MXD4: variants seen among roughly 807,000 people sequenced by gnomAD.
MXD4 encodes the protein MAX dimerization protein 4, also known as Mad4 homolog.
MXD4 carries 16 observed loss-of-function variants against 24.5 expected under a neutral mutation model. The ratio of observed to expected loss-of-function variants is 0.65; its 90% CI spans 0.44 to 0.99. MXD4 has a LOEUF of 0.99. MXD4 is among the 50% of genes least tolerant of loss of function. The probability of loss-of-function intolerance (pLI) is 0.00; values close to 1 mark genes in which losing one functional copy is unlikely to be tolerated. For missense variants in MXD4, 301 were observed against 301.5 expected (o/e 1.00, Z 0.01); for synonymous variants, 164 against 134.2 (o/e 1.22, Z -1.54).
At chr4:2,255,127 T>A in intron 3 of MXD4, 1 of 371,570 alleles carries the variant, frequency 2.7e-6, no homozygotes, top group Non-Finnish European at 5.4e-6. Flanking sequence ...TGGAGGAGTG[T>A]GCCCTGACGC....
In MXD4 at chr4:2,251,389, C is replaced by A; in HGVS notation, c.310-143G>T. 5 of 1,072,254 alleles carry A rather than the reference C, an allele frequency of 4.7e-6. No individual in the cohort carries two copies. In the South Asian group the frequency reaches 7.5e-5, roughly 16 times the overall value. The allele number at this position is 1,072,254 out of a possible 1,614,324, so 66.4% of individuals were successfully genotyped here. On this transcript the variant is annotated intron_variant, in intron 4 of 5. Coordinates refer to ENST00000337190, the MANE Select transcript of MXD4 (RefSeq NM_006454.3). ...AGCCAAGGCTACAGGCCACAGGGTG[C>A]CCAGTCTCTGCCAGCCCCACAGCCT...
At chr4:2,254,603 A>G (rs1265534061) in intron 3 of MXD4, 2 of 152,266 alleles carry the variant, frequency 1.3e-5, no homozygotes, top group African/African-American at 4.8e-5. Context: ...TTTGCAATAC[A>G]TATAAAAGAC....
chr4:2,249,457 T>A lies in MXD4; in HGVS notation c.*1087A>T, dbSNP rs977038662. The A allele has an allele frequency of 6.6e-6, 1 of 151,808 alleles. No homozygotes were observed. The highest frequency in any genetic ancestry group is 1.5e-5 in the Non-Finnish European group (1 of 67,896). The allele number at this position is 151,808 out of a possible 1,614,324, so 9.4% of individuals were successfully genotyped here. ...TCTTCTTTTTAAAAATGGTTTTTTT[T>A]TTTTTTCTGGGAAAGCCTCTCTGCC... On this transcript the variant is annotated 3_prime_UTR_variant, in exon 6 of 6. Coordinates refer to ENST00000337190, the MANE Select transcript of MXD4 (RefSeq NM_006454.3).
chr4:2,260,037 G>A (rs1045950203), intron 2 of MXD4, among the ~76,000 whole-genome samples: 9 of 152,206 alleles, frequency 5.9e-5, no homozygotes, highest in Non-Finnish European at 1.0e-4. Context: ...CCCCTGCTCC[G>A]CCCAGCTACT....
intron 2 of MXD4, chr4:2,258,862 C>G (rs764339859): frequency 2.2e-6 from 1 of 454,888 alleles, no homozygotes; most frequent in South Asian, 1.6e-5. Flanking sequence ...TCTCTGGGGA[C>G]AGTGGCCCCA....
chr4:2,250,489 AG>A lies in MXD4; in HGVS notation c.*54del, dbSNP rs1158715538. ...CTGGCGTCAACTGAAGGAGAACTGG[AG>A]GGCTGACACGCGTGGCTGGCGGGCA... On this transcript the variant is annotated 3_prime_UTR_variant, in exon 6 of 6. Transcript: ENST00000337190. The A allele has an allele frequency of 1.3e-5, 19 of 1,489,862 alleles. No homozygotes were observed. Among genetic ancestry groups the A allele is most frequent in the Admixed American group, 4.5e-5 (2 of 44,942 alleles). 92.3% of individuals were successfully genotyped at this position (1,489,862 alleles called of 1,614,324 possible).
In MXD4 at chr4:2,261,758, G is replaced by C; in HGVS notation, c.131C>G (p.Ala44Gly). ...CGGGGCCTTGCGCACCAGGCCGGCC[G>C]CCTTTGTTTTCTCCCTGGCGAAGTC... The part of the protein sequence containing the change: ...DGDFAREKTK[A>G]AGLVRKAPNN... Residue 44 changes from alanine (A) to glycine (G), a missense_variant, in exon 2 of 6, where the codon GCG (alanine) becomes GGG (glycine). Transcript: ENST00000337190. 2 of 1,429,776 alleles carry C rather than the reference G, an allele frequency of 1.4e-6. No homozygotes were observed. The highest frequency in any genetic ancestry group is 1.8e-6 in the Non-Finnish European group (2 of 1,084,738). The allele number at this position is 1,429,776 out of a possible 1,614,324, so 88.6% of individuals were successfully genotyped here.
At chr4:2,254,416 G>A (rs184123815) in intron 3 of MXD4, 2 of 152,212 alleles carry the variant, frequency 1.3e-5, no homozygotes, top group East Asian at 1.9e-4. Context: ...GGGAGCGTGC[G>A]TCTCCAGGCG....
chr4:2,257,017 G>A (rs1735445010), intron 3 of MXD4, among the ~76,000 whole-genome samples: 1 of 152,132 alleles, frequency 6.6e-6, no homozygotes, highest in Non-Finnish European at 1.5e-5. Flanking sequence ...TGGCCTCTAG[G>A]GAACCCCCCG....
At chr4:2,255,691 C>A (rs955252908) in intron 3 of MXD4, among the ~76,000 whole-genome samples, 1 of 152,258 alleles carries the variant, frequency 6.6e-6, no homozygotes, top group Non-Finnish European at 1.5e-5. Context: ...AAAACCTCCA[C>A]TTCCTGAAGG....
chr4:2,252,264 C>T (rs770730336), intron 4 of MXD4, 144 bp downstream of exon 4: 1 of 671,738 alleles, frequency 1.5e-6, no homozygotes, highest in Non-Finnish European at 2.6e-6. Context: ...AGGCCCCCGA[C>T]ACACACCCGC....
intron 2 of MXD4, among the ~76,000 whole-genome samples, chr4:2,259,389 G>A (rs560831699): frequency 2.0e-5 from 3 of 152,284 alleles, no homozygotes; most frequent in African/African-American, 7.2e-5. Context: ...GCCGACCAGG[G>A]CCAGCAGAGG....
At position 2,253,693 on chromosome 4, in the gene MXD4, G is replaced by A. The variant is rs541266583; in HGVS notation, c.195-1171C>T. 4 of 152,166 alleles carry A rather than the reference G, an allele frequency of 2.6e-5. No homozygotes were observed. The South Asian group carries it at 6.2e-4, about 24-fold the overall frequency. 9.4% of individuals were successfully genotyped at this position (152,166 alleles called of 1,614,324 possible). On this transcript the variant is annotated intron_variant, in intron 3 of 5. Coordinates refer to ENST00000337190, the MANE Select transcript of MXD4 (RefSeq NM_006454.3). ...CAAATCTTGTCCCCCTGGGAGTAAC[G>A]TCGGCAGGGACAGCCATTTCCTCTG...
intron 3 of MXD4, 96 bp downstream of exon 3, chr4:2,257,886 G>A (rs924483478): frequency 2.4e-5 from 37 of 1,510,358 alleles, no homozygotes; most frequent in Middle Eastern, 1.8e-4. Flanking sequence ...ACGGCTGGCC[G>A]TGCCCGGGAC....
chr4:2,254,833 C>T (rs574392331), intron 3 of MXD4: 1 of 166,148 alleles, frequency 6.0e-6, no homozygotes, highest in African/African-American at 2.4e-5. Context: ...AGGGATGGCT[C>T]CTGCGCCAGC....
chr4:2,259,832 G>A (rs1735502736), intron 2 of MXD4, among the ~76,000 whole-genome samples: 1 of 152,188 alleles, frequency 6.6e-6, no homozygotes, highest in Non-Finnish European at 1.5e-5. Context: ...CAGGAGACAA[G>A]CACACTTCCC....
At chr4:2,261,134 T>C (rs1197661161) in intron 2 of MXD4, among the ~76,000 whole-genome samples, 3 of 152,340 alleles carry the variant, frequency 2.0e-5, no homozygotes, top group East Asian at 3.9e-4. Flanking sequence ...GGCTGGAGTT[T>C]CGCTGTGTCA....
In MXD4 at chr4:2,252,476, G is replaced by A. The variant is rs777763891; in HGVS notation, c.241C>T (p.Pro81Ser). 6.2e-7 allele frequency: 1 copy of A among 1,612,312 alleles called. No individual in the cohort carries two copies. Among genetic ancestry groups the A allele is most frequent in the Non-Finnish European group, 8.5e-7 (1 of 1,179,934 alleles). The part of the protein sequence containing the change: ...LYLEQLKQLV[P>S]LGPDSTRHTT... The stretch of plus-strand genomic sequence containing the variant: ...TGGCGGGTGCTGTCGGGGCCCAGGG[G>A]CACCAGTTGCTTGAGCTGCTCAAGG... Residue 81 changes from proline to serine, a missense_variant, in exon 4 of 6, where the codon CCC becomes TCC. By Grantham distance (74) the Pro-to-Ser change is moderately conservative. Coordinates refer to ENST00000337190, the MANE Select transcript of MXD4 (RefSeq NM_006454.3).
Position 2,250,049 on chromosome 4 carries a change from A to G in MXD4, c.*495T>C, listed in dbSNP as rs1577815920. ...CTCACCCAGTTCCCGCCCTTCACAG[A>G]CCCCTTGTCCACGCCAGGAGCCTAT... On this transcript the variant is annotated 3_prime_UTR_variant, in exon 6 of 6. Transcript: ENST00000337190. 6.3e-6 allele frequency: 1 copy of G among 158,394 alleles called. No individual in the cohort carries two copies. The highest frequency in any genetic ancestry group is 2.4e-5 in the African/African-American group (1 of 41,498). The allele number at this position is 158,394 out of a possible 1,614,324, so 9.8% of individuals were successfully genotyped here. A position where few individuals can be genotyped will look rare whatever the true frequency, so the allele number is the denominator to read the frequency against.
Sources: allele counts gnomAD v4.1 joint callset (sites outside exome capture counted in the v4.1 genomes callset), GRCh38; gene constraint gnomAD v4.1.1; transcripts MANE v1.5; gene names NCBI Gene and HGNC (gene_info 2026-07-23, HGNC 2026-07-21).